Variants in RGS6 observed in about 807,000 individuals in gnomAD.
The protein encoded by RGS6 is regulator of G-protein signaling 6.
RGS6 carries 30 observed loss-of-function variants against 78.5 expected under a neutral mutation model. That is an observed-to-expected ratio of 0.38 (90% confidence interval 0.29 to 0.52). The LOEUF (loss-of-function observed/expected upper bound fraction) is 0.52. Among genes scored for constraint, RGS6 ranks in the 20% least tolerant of loss-of-function variants. RGS6 has a pLI of 0.85. For missense variants in RGS6, 495 were observed against 609.7 expected (o/e 0.81, Z 1.98); for synonymous variants, 206 against 206.0 (o/e 1.00, Z 0.00).
chr14:71,914,098 G>A, the RGS6 span, among the ~76,000 whole-genome samples: 11 of 152,160 alleles, frequency 7.2e-5, no homozygotes, highest in Admixed American at 2.6e-4. Flanking sequence ...TACATGTGCC[G>A]TGCGCCCTGG....
the RGS6 span, among the ~76,000 whole-genome samples, chr14:72,618,360 CAT>C: frequency 6.6e-6 from 1 of 152,210 alleles, no homozygotes; most frequent in African/African-American, 2.4e-5. Flanking sequence ...CATTCGGACA[CAT>C]GATTGGGCAG....
At chr14:72,130,066 G>A (rs973954741) in intron 2 of RGS6, among the ~76,000 whole-genome samples, 1 of 152,192 alleles carries the variant, frequency 6.6e-6, no homozygotes, top group Non-Finnish European at 1.5e-5. Context: ...GACTACAAAT[G>A]TGGGGGTTGG....
At chr14:72,066,714 GA>G (rs917330690) in intron 2 of RGS6, among the ~76,000 whole-genome samples, 5 of 149,690 alleles carry the variant, frequency 3.3e-5, no homozygotes, top group East Asian at 3.9e-4. Flanking sequence ...TAATTTACAG[GA>G]AAAAAAATAC....
At chr14:71,959,859 G>T (rs555957381) in intron 1 of RGS6, among the ~76,000 whole-genome samples, 2 of 152,168 alleles carry the variant, frequency 1.3e-5, no homozygotes, top group African/African-American at 4.8e-5. Flanking sequence ...GCAACCCTGC[G>T]TGATGGAGGG....
At chr14:72,327,341 T>C (rs748572150) in intron 2 of RGS6, among the ~76,000 whole-genome samples, 2 of 152,032 alleles carry the variant, frequency 1.3e-5, no homozygotes, top group Non-Finnish European at 2.9e-5. Flanking sequence ...CAGAGCTACA[T>C]GAGATAATCA....
Position 72,565,456 on chromosome 14 carries a change from C to A in RGS6, c.*2989C>A, listed in dbSNP as rs1337665470. The A allele has an allele frequency of 1.3e-5, 2 of 152,184 alleles. No homozygotes were observed. The highest frequency in any genetic ancestry group is 2.9e-5 in the Non-Finnish European group (2 of 68,052). 9.4% of individuals were successfully genotyped at this position (152,184 alleles called of 1,614,324 possible). On this transcript the variant is annotated 3_prime_UTR_variant, in exon 18 of 18. Transcript: ENST00000553525. ...AGGAACTCTCTGGGCTGGGGAGGAGCCTCCTGCCCTTCTAGAAAGTGATGC... is the reference window on the plus strand; with the variant it reads ...AGGAACTCTCTGGGCTGGGGAGGAGACTCCTGCCCTTCTAGAAAGTGATGC...
At chr14:72,242,448 A>T (rs2053112665) in intron 2 of RGS6, among the ~76,000 whole-genome samples, 2 of 152,234 alleles carry the variant, frequency 1.3e-5, no homozygotes, top group Admixed American at 1.3e-4. Context: ...TCACCTTAAA[A>T]TAACCTTTAT....
intron 3 of RGS6, among the ~76,000 whole-genome samples, chr14:72,406,245 G>T (rs1351090952): frequency 6.6e-6 from 1 of 152,070 alleles, no homozygotes; most frequent in Non-Finnish European, 1.5e-5. Context: ...TCAGCCGGGC[G>T]CAGTGGCACA....
chr14:72,148,586 TAAAG>T (rs772806435), intron 2 of RGS6, among the ~76,000 whole-genome samples: 25 of 152,110 alleles, frequency 1.6e-4, no homozygotes, highest in Admixed American at 1.1e-3. Flanking sequence ...GTGGACCCCT[TAAAG>T]AAAGAGATAT....
At chr14:72,323,232 A>G (rs2072610302) in intron 2 of RGS6, among the ~76,000 whole-genome samples, 1 of 152,182 alleles carries the variant, frequency 6.6e-6, no homozygotes, top group African/African-American at 2.4e-5. Context: ...TCTTTCCACA[A>G]ACAGAAACTG....
At chr14:72,600,347 G>A in the RGS6 span, among the ~76,000 whole-genome samples, 8 of 138,522 alleles carry the variant, frequency 5.8e-5, no homozygotes, top group South Asian at 2.3e-4. Context: ...CCTCCTCTCT[G>A]TCCCCAGCGC....
intron 12 of RGS6, among the ~76,000 whole-genome samples, chr14:72,480,214 C>T (rs1045342810): frequency 6.6e-6 from 1 of 152,168 alleles, no homozygotes; most frequent in African/African-American, 2.4e-5. Context: ...CTCAGGCTGA[C>T]CTGAGAGCTC....
chr14:72,002,478 G>T (rs2083661631), intron 2 of RGS6, among the ~76,000 whole-genome samples: 1 of 152,146 alleles, frequency 6.6e-6, no homozygotes, highest in South Asian at 2.1e-4. Flanking sequence ...TGATTGTGGA[G>T]AGGGCCCAGA....
At chr14:72,085,001 A>G (rs896642473) in intron 2 of RGS6, among the ~76,000 whole-genome samples, 1 of 152,206 alleles carries the variant, frequency 6.6e-6, no homozygotes, top group Non-Finnish European at 1.5e-5. Flanking sequence ...GAAATCTGCT[A>G]CGTAAGAAGA....
At chr14:72,584,685 C>CCTTCATCTCT in the RGS6 span, among the ~76,000 whole-genome samples, 1 of 152,164 alleles carries the variant, frequency 6.6e-6, no homozygotes, top group African/African-American at 2.4e-5. Flanking sequence ...GAAGGCATCA[C>CCTTCATCTCT]CACCTGCAGC....
intron 2 of RGS6, among the ~76,000 whole-genome samples, chr14:72,175,585 A>G (rs886103936): frequency 6.6e-6 from 1 of 152,240 alleles, no homozygotes; most frequent in Non-Finnish European, 1.5e-5. Context: ...GGAATGTAGA[A>G]GATCATTCAT....
At chr14:72,171,675 C>G (rs2097021530) in intron 2 of RGS6, among the ~76,000 whole-genome samples, 1 of 152,148 alleles carries the variant, frequency 6.6e-6, no homozygotes, top group African/African-American at 2.4e-5. Context: ...CTTCATAACC[C>G]AAGAGCACAT....
At chr14:72,241,420 A>C (rs1175747032) in intron 2 of RGS6, among the ~76,000 whole-genome samples, 1 of 152,120 alleles carries the variant, frequency 6.6e-6, no homozygotes, top group African/African-American at 2.4e-5. Context: ...ATTATGATGC[A>C]TTTTGGTTCT....
At chr14:72,187,370 T>G (rs2153710105) in intron 2 of RGS6, among the ~76,000 whole-genome samples, 1 of 152,336 alleles carries the variant, frequency 6.6e-6, no homozygotes, top group East Asian at 1.9e-4. Context: ...GTGCTGATTC[T>G]ATTCCTCTAC....
Sources: allele counts gnomAD v4.1 joint callset (sites outside exome capture counted in the v4.1 genomes callset), GRCh38; gene constraint gnomAD v4.1.1; transcripts MANE v1.5; gene names NCBI Gene and HGNC (gene_info 2026-07-23, HGNC 2026-07-21).